Variants in NXPH2 observed in about 807,000 individuals in gnomAD.
The protein encoded by NXPH2 is neurexophilin-2.
Under a neutral mutation model 19.8 loss-of-function variants are expected in NXPH2, and 5 were observed. That is an observed-to-expected ratio of 0.25 (90% CI 0.13 to 0.53). NXPH2 has a LOEUF of 0.53. Among genes scored for constraint, NXPH2 ranks in the 20% least tolerant of loss-of-function variants. NXPH2 has a pLI of 0.96. For missense variants in NXPH2, 289 were observed against 322.8 expected (o/e 0.90, Z 0.80); for synonymous variants, 154 against 127.4 (o/e 1.21, Z -1.41).
intron 1 of NXPH2, among the ~76,000 whole-genome samples, chr2:138,714,186 C>A (rs1395597257): frequency 6.6e-6 from 1 of 152,098 alleles, no homozygotes; most frequent in Non-Finnish European, 1.5e-5. Context: ...CTCTGCTTCT[C>A]TCTTGCTGTA....
intron 1 of NXPH2, among the ~76,000 whole-genome samples, chr2:138,690,592 A>C (rs1306057029): frequency 6.6e-5 from 10 of 152,086 alleles, no homozygotes; most frequent in South Asian, 2.1e-4. Flanking sequence ...TGAAAAAAAA[A>C]AAAACAAAAC....
At chr2:138,691,001 T>A (rs902286685) in intron 1 of NXPH2, among the ~76,000 whole-genome samples, 2 of 152,162 alleles carry the variant, frequency 1.3e-5, no homozygotes, top group African/African-American at 4.8e-5. Context: ...GAGCTCGCCA[T>A]CACAACAAGG....
At chr2:138,701,500 T>C (rs1421696406) in intron 1 of NXPH2, among the ~76,000 whole-genome samples, 2 of 152,152 alleles carry the variant, frequency 1.3e-5, no homozygotes, top group Admixed American at 1.3e-4. Context: ...CACAAGGTAC[T>C]GTAGAAGGAA....
rs56011084 is a variant in NXPH2, at chr2:138,745,493, C to CG, written c.51+34697dup. 6.6e-3 allele frequency among the ~76,000 whole-genome samples: 588 copies of CG among 89,586 alleles called. 5 individuals carry two copies. Among genetic ancestry groups the CG allele is most frequent in the East Asian group, 0.015 (26 of 1,784 alleles). The allele number at this position is 89,586 out of a possible 152,430, so 58.8% of individuals were successfully genotyped here. On this transcript the variant is annotated intron_variant, in intron 1 of 1. Transcript: ENST00000272641. ...GCACATCCTTTTCTTCTTTTTTTGG[C>CG]GGGGGGGGGGGGGTGTTGTTTGCAT...
chr2:138,745,831 G>A (rs764705792), intron 1 of NXPH2, among the ~76,000 whole-genome samples: 1 of 152,190 alleles, frequency 6.6e-6, no homozygotes, highest in Non-Finnish European at 1.5e-5. Flanking sequence ...GTGGGGGGAA[G>A]AAGCAGGAAG....
At chr2:138,752,603 A>G (rs1231842027) in intron 1 of NXPH2, among the ~76,000 whole-genome samples, 1 of 152,120 alleles carries the variant, frequency 6.6e-6, no homozygotes, top group African/African-American at 2.4e-5. Flanking sequence ...TAATAAACCA[A>G]TATTGATATA....
intron 1 of NXPH2, among the ~76,000 whole-genome samples, chr2:138,712,309 G>T (rs542729264): frequency 1.7e-4 from 26 of 152,214 alleles, no homozygotes; most frequent in Non-Finnish European, 1.9e-4. Context: ...AATTTTTAGT[G>T]AGTGTGGAAT....
In NXPH2 at chr2:138,737,802, A is replaced by G. The variant is rs573385392; in HGVS notation, c.51+42389T>C. Among the ~76,000 whole-genome samples the G allele has an allele frequency of 1.6e-4, 24 of 152,352 alleles. No individual in the cohort carries two copies. In the South Asian group the frequency reaches 4.8e-3, roughly 30 times the overall value. ...AAGTGGAGAGCTTATTTGAATCATT[A>G]CATAGTGTGCCATCCTTTGGAAGAC... On this transcript the variant is annotated intron_variant, in intron 1 of 1. Transcript: ENST00000272641.
intron 1 of NXPH2, among the ~76,000 whole-genome samples, chr2:138,723,300 A>T (rs1681308278): frequency 6.6e-6 from 1 of 152,190 alleles, no homozygotes; most frequent in African/African-American, 2.4e-5. Flanking sequence ...GGGAAATTTT[A>T]AAAAAATTCA....
chr2:138,699,081 G>A lies in NXPH2; in HGVS notation c.52-27416C>T, dbSNP rs72986902. 3.5e-3 allele frequency among the ~76,000 whole-genome samples: 538 copies of A among 152,266 alleles called. 3 individuals carry two copies. The highest frequency in any genetic ancestry group is 8.8e-3 in the African/African-American group (365 of 41,552). ...AATGAAAAAATTATTGAAAATGTATGTGAATGTATGTATGTACATAAACAT... is the reference window on the plus strand; with the variant it reads ...AATGAAAAAATTATTGAAAATGTATATGAATGTATGTATGTACATAAACAT... On this transcript the variant is annotated intron_variant, in intron 1 of 1. Coordinates refer to ENST00000272641, the MANE Select transcript of NXPH2 (RefSeq NM_007226.3).
chr2:138,716,610 C>T (rs529723195), intron 1 of NXPH2, among the ~76,000 whole-genome samples: 105 of 152,280 alleles, frequency 6.9e-4, no homozygotes, highest in African/African-American at 2.3e-3. Context: ...CAGCCTGAGA[C>T]GACTAAGACA....
At chr2:138,751,706 T>C (rs1269355747) in intron 1 of NXPH2, among the ~76,000 whole-genome samples, 2 of 152,186 alleles carry the variant, frequency 1.3e-5, no homozygotes, top group African/African-American at 4.8e-5. Flanking sequence ...TCAGCTTTCA[T>C]GATGAATTAT....
intron 1 of NXPH2, among the ~76,000 whole-genome samples, chr2:138,710,258 C>T (rs1681085580): frequency 1.3e-5 from 2 of 152,130 alleles, no homozygotes; most frequent in Admixed American, 1.3e-4. Flanking sequence ...CTTTTTACGG[C>T]TAAATAACAT....
At chr2:138,689,782 G>C (rs1473624140) in intron 1 of NXPH2, among the ~76,000 whole-genome samples, 1 of 152,126 alleles carries the variant, frequency 6.6e-6, no homozygotes, top group Non-Finnish European at 1.5e-5. Context: ...GATTCATTAG[G>C]TCTTTATGTA....
chr2:138,685,917 G>T (rs775416453), intron 1 of NXPH2, among the ~76,000 whole-genome samples: 40 of 151,958 alleles, frequency 2.6e-4, no homozygotes, highest in Non-Finnish European at 5.3e-4. Flanking sequence ...TTTTGACTTG[G>T]TTCTTCCTCT....
intron 1 of NXPH2, among the ~76,000 whole-genome samples, chr2:138,680,625 C>T (rs1680566348): frequency 1.3e-5 from 2 of 151,986 alleles, no homozygotes; most frequent in South Asian, 2.1e-4. Flanking sequence ...ATATACATCT[C>T]GGTATATCAG....
At chr2:138,721,175 T>C (rs1430366519) in intron 1 of NXPH2, among the ~76,000 whole-genome samples, 1 of 152,064 alleles carries the variant, frequency 6.6e-6, no homozygotes, top group Non-Finnish European at 1.5e-5. Flanking sequence ...CCCCCATCTC[T>C]ACTAAAAATG....
At chr2:138,741,726 T>C (rs1207030810) in intron 1 of NXPH2, among the ~76,000 whole-genome samples, 1 of 152,212 alleles carries the variant, frequency 6.6e-6, no homozygotes, top group Non-Finnish European at 1.5e-5. Context: ...CTTTCTGCAG[T>C]GGTTACAACT....
At chr2:138,745,594 A>G (rs1314376923) in intron 1 of NXPH2, among the ~76,000 whole-genome samples, 2 of 152,140 alleles carry the variant, frequency 1.3e-5, no homozygotes, top group Non-Finnish European at 2.9e-5. Context: ...AAAATAGAGA[A>G]ACATGAAAGA....
Sources: gnomAD v4.1 joint callset for allele counts (sites outside exome capture counted in the v4.1 genomes callset) on GRCh38, gnomAD v4.1.1 for gene constraint, MANE v1.5 for transcripts, NCBI Gene and HGNC (gene_info 2026-07-23, HGNC 2026-07-21) for gene names.